Variants in HS3ST5 observed in about 807,000 individuals in gnomAD.
HS3ST5 encodes heparan sulfate glucosamine 3-O-sulfotransferase 5.
In HS3ST5, 10 loss-of-function variants were observed where a neutral mutation model predicts 25.4. The ratio of observed to expected loss-of-function variants is 0.39; its 90% CI spans 0.24 to 0.67. The LOEUF (loss-of-function observed/expected upper bound fraction) is 0.67, where lower values mean the gene tolerates loss of function less well. Ranked by LOEUF, HS3ST5 falls within the 30% of genes least tolerant of loss-of-function variation. HS3ST5 has a pLI of 0.44. For synonymous variants in HS3ST5, 170 were observed against 162.4 expected (o/e 1.05, Z -0.36); for missense variants, 324 against 420.7 (o/e 0.77, Z 2.01).
chr6:114,318,886 C>CT (rs1293229912), intron 1 of HS3ST5, among the ~76,000 whole-genome samples: 7 of 152,154 alleles, frequency 4.6e-5, no homozygotes, highest in African/African-American at 1.7e-4. Flanking sequence ...ATTCCATAAT[C>CT]TTTTTTCTAA....
chr6:114,162,719 G>A (rs1458122856), intron 3 of HS3ST5, among the ~76,000 whole-genome samples: 2 of 151,964 alleles, frequency 1.3e-5, no homozygotes, highest in Non-Finnish European at 2.9e-5. Context: ...CTGCTTCCTG[G>A]CCACTTGCAC....
At chr6:114,306,260 C>T (rs199644018) in intron 1 of HS3ST5, among the ~76,000 whole-genome samples, 13 of 85,656 alleles carry the variant, frequency 1.5e-4, no homozygotes, top group South Asian at 4.1e-4. Context: ...TATATATACA[C>T]ACACACACAC....
chr6:114,141,240 C>A (rs1400665505), intron 3 of HS3ST5, among the ~76,000 whole-genome samples: 1 of 152,182 alleles, frequency 6.6e-6, no homozygotes, highest in South Asian at 2.1e-4. Context: ...CTTCACTCAA[C>A]GATTGAAATG....
intron 1 of HS3ST5, among the ~76,000 whole-genome samples, chr6:114,271,036 T>A (rs1366559125): frequency 6.6e-6 from 1 of 152,082 alleles, no homozygotes; most frequent in African/African-American, 2.4e-5. Flanking sequence ...GTCTATTAAA[T>A]ACCATTCACA....
At chr6:114,144,172 T>C (rs1278935115) in intron 3 of HS3ST5, among the ~76,000 whole-genome samples, 2 of 152,172 alleles carry the variant, frequency 1.3e-5, no homozygotes, top group African/African-American at 4.8e-5. Flanking sequence ...CCTGACCAGA[T>C]TGATGAATAT....
chr6:114,121,110 G>A (rs987078409), intron 3 of HS3ST5, among the ~76,000 whole-genome samples: 1 of 152,324 alleles, frequency 6.6e-6, no homozygotes, highest in East Asian at 1.9e-4. Flanking sequence ...AAACTCTAAT[G>A]TACCTCAGGC....
At chr6:114,099,617 C>T (rs1190440247) in intron 3 of HS3ST5, among the ~76,000 whole-genome samples, 2 of 152,166 alleles carry the variant, frequency 1.3e-5, no homozygotes, top group African/African-American at 4.8e-5. Flanking sequence ...GTGGATTCAG[C>T]TCTCTAAGCT....
chr6:114,167,066 G>A (rs2114995406), intron 3 of HS3ST5, among the ~76,000 whole-genome samples: 1 of 152,288 alleles, frequency 6.6e-6, no homozygotes, highest in East Asian at 1.9e-4. Context: ...GCTCATTGCG[G>A]CCTTAAATTC....
At chr6:114,066,158 C>T (rs1183463667) in intron 3 of HS3ST5, among the ~76,000 whole-genome samples, 5 of 152,194 alleles carry the variant, frequency 3.3e-5, no homozygotes, top group African/African-American at 1.2e-4. Context: ...ATCATCATCT[C>T]CTAGCAATGG....
At chr6:114,149,333 A>G (rs1266341338) in intron 3 of HS3ST5, among the ~76,000 whole-genome samples, 1 of 152,196 alleles carries the variant, frequency 6.6e-6, no homozygotes, top group African/African-American at 2.4e-5. Context: ...AACCAACCCA[A>G]ATGCCCATCA....
chr6:114,188,014 A>G (rs999514425), intron 2 of HS3ST5, among the ~76,000 whole-genome samples: 1 of 152,246 alleles, frequency 6.6e-6, no homozygotes, highest in African/African-American at 2.4e-5. Flanking sequence ...CACATTCAAT[A>G]GACCATGGCA....
chr6:114,326,303 T>C (rs567448821), intron 1 of HS3ST5, among the ~76,000 whole-genome samples: 77 of 152,192 alleles, frequency 5.1e-4, no homozygotes, highest in Admixed American at 1.4e-3. Context: ...AGTACAATAA[T>C]TGCTTGAACC....
intron 2 of HS3ST5, among the ~76,000 whole-genome samples, chr6:114,190,710 G>A (rs1780459516): frequency 6.6e-6 from 1 of 151,970 alleles, no homozygotes; most frequent in Admixed American, 6.6e-5. Context: ...TCTCTGTATG[G>A]GTCCTATGTA....
At chr6:114,301,648 T>C (rs946008046) in intron 1 of HS3ST5, among the ~76,000 whole-genome samples, 2 of 152,172 alleles carry the variant, frequency 1.3e-5, no homozygotes, top group Non-Finnish European at 2.9e-5. Context: ...TTCACTTCTC[T>C]ACCTGGGGCT....
At chr6:114,331,712 C>T (rs1709467033) in intron 1 of HS3ST5, among the ~76,000 whole-genome samples, 1 of 151,944 alleles carries the variant, frequency 6.6e-6, no homozygotes, top group Admixed American at 6.6e-5. Context: ...GAGTTGCTTC[C>T]AAATGTTTGC....
chr6:114,116,470 T>G (rs1011939539), intron 3 of HS3ST5, among the ~76,000 whole-genome samples: 14 of 152,136 alleles, frequency 9.2e-5, no homozygotes, highest in Non-Finnish European at 1.8e-4. Flanking sequence ...TGGATTTTAC[T>G]AACAGCCTGA....
At chr6:114,076,641 G>GA (rs1353213101) in intron 3 of HS3ST5, among the ~76,000 whole-genome samples, 3 of 152,110 alleles carry the variant, frequency 2.0e-5, no homozygotes, top group South Asian at 2.1e-4. Flanking sequence ...ATCACATTTT[G>GA]AAAAAATTAA....
intron 2 of HS3ST5, among the ~76,000 whole-genome samples, chr6:114,223,960 A>G (rs146956094): frequency 6.6e-6 from 1 of 151,822 alleles, no homozygotes; most frequent in East Asian, 1.9e-4. Context: ...ACAAACTTCT[A>G]TGGTAGCTCT....
chr6:114,287,943 C>T (rs1239088673), intron 1 of HS3ST5, among the ~76,000 whole-genome samples: 4 of 151,950 alleles, frequency 2.6e-5, no homozygotes, highest in South Asian at 2.1e-4. Context: ...AAGAGGGAAT[C>T]GTCCTTGAAA....
Sources: gnomAD v4.1 joint callset for allele counts (sites outside exome capture counted in the v4.1 genomes callset) on GRCh38, gnomAD v4.1.1 for gene constraint, MANE v1.5 for transcripts, NCBI Gene and HGNC (gene_info 2026-07-23, HGNC 2026-07-21) for gene names.